Variants in PCDHGB7 observed in about 807,000 individuals in gnomAD.
PCDHGB7 encodes protocadherin gamma subfamily B, 7.
Under a neutral mutation model 61.4 loss-of-function variants are expected in PCDHGB7, and 37 were observed. That is an observed-to-expected ratio of 0.60 (90% CI 0.46 to 0.79). The LOEUF (loss-of-function observed/expected upper bound fraction) is 0.79. Ranked by LOEUF, PCDHGB7 falls within the 30% of genes least tolerant of loss-of-function variation. PCDHGB7 has a pLI of 0.00. For synonymous variants in PCDHGB7, 464 were observed against 503.5 expected, an observed-to-expected ratio of 0.92 and a Z score of 1.05; for missense variants, 1,166 against 1,202.5, an observed-to-expected ratio of 0.97 and a Z score of 0.45.
chr5:141,489,085 G>A lies in PCDHGB7; in HGVS notation c.2416-5722G>A, dbSNP rs1347512723. The A allele has an allele frequency of 2.6e-5, 6 of 230,066 alleles. No homozygotes were observed. The South Asian group carries it at 4.3e-4, about 16-fold the overall frequency. 14.3% of individuals were successfully genotyped at this position (230,066 alleles called of 1,614,324 possible). A position where few individuals can be genotyped will look rare whatever the true frequency, so the allele number is the denominator to read the frequency against. Reference sequence around the variant, plus strand: ...TCCCCCCTGCCCACCCCCGCCACTCGGTGACTAAGAACTGCTGCAAGCAGG... The same window carrying A: ...TCCCCCCTGCCCACCCCCGCCACTCAGTGACTAAGAACTGCTGCAAGCAGG... On this transcript the variant is annotated intron_variant, in intron 1 of 3. Coordinates refer to ENST00000398594, the MANE Select transcript of PCDHGB7 (RefSeq NM_018927.4). The surrounding 1 kb of genome is among the most constrained non-coding windows in gnomAD (Gnocchi z 4.5).
intron 1 of PCDHGB7, chr5:141,422,864 AC>A (rs2096680510): frequency 1.9e-6 from 3 of 1,614,190 alleles, no homozygotes; most frequent in Non-Finnish European, 2.5e-6. Flanking sequence ...CTCAGCAGCA[AC>A]GTGTCGCTGA....
rs750036800 is a variant in PCDHGB7, at chr5:141,419,495, G to A, written c.1636G>A (p.Val546Met). Residue 546 changes from valine to methionine, a missense_variant, in exon 1 of 4, where the codon GTG becomes ATG. Physicochemically the swap from Val to Met is conservative, Grantham distance 21 (BLOSUM62 1). Coordinates refer to ENST00000398594, the MANE Select transcript of PCDHGB7 (RefSeq NM_018927.4). ...GGGCTCGCCCGCGCTCAGCGCCAAT[G>A]TGAGCCTGCGCGTGTTGGTGGGCGA... Reference protein sequence around the residue: ...DQGSPALSANVSLRVLVGDRN... With the variant: ...DQGSPALSANMSLRVLVGDRN... The A allele has an allele frequency of 5.0e-6, 8 of 1,612,432 alleles. No individual in the cohort carries two copies. The Admixed American group carries it at 1.3e-4, about 27-fold the overall frequency.
chr5:141,509,787 TCTC>T (rs2099878266), intron 3 of PCDHGB7, among the ~76,000 whole-genome samples: 1 of 152,132 alleles, frequency 6.6e-6, no homozygotes, highest in Non-Finnish European at 1.5e-5. Context: ...GAGATCATCA[TCTC>T]CTCAGCTTCA....
At position 141,486,182 on chromosome 5, in the gene PCDHGB7, C is replaced by G. The variant is rs1288782056; in HGVS notation, c.2416-8625C>G. On this transcript the variant is annotated intron_variant, in intron 1 of 3. Transcript: ENST00000398594. This position sits in a 1 kb window ranked among gnomAD's most constrained non-coding sequence, Gnocchi z 5.0. ...AGCCATGGAGCAACATTGCAGCCTT[C>G]GAGTGGATCTGCTGGACGTAAATGA... 1 of 1,614,198 alleles carries G rather than the reference C, an allele frequency of 6.2e-7. No individual in the cohort carries two copies. Among genetic ancestry groups the G allele is most frequent in the Non-Finnish European group, 8.5e-7 (1 of 1,180,028 alleles).
At chr5:141,425,021 CT>C (rs1561817318) in intron 1 of PCDHGB7, among the ~76,000 whole-genome samples, 1 of 152,054 alleles carries the variant, frequency 6.6e-6, no homozygotes, top group Non-Finnish European at 1.5e-5. Context: ...AGGAATTTAC[CT>C]TATGTCATTA....
At position 141,418,781 on chromosome 5, in the gene PCDHGB7, G is replaced by C; in HGVS notation, c.922G>C (p.Asp308His). The C allele has an allele frequency of 6.2e-7, 1 of 1,613,716 alleles. No individual in the cohort carries two copies. The highest frequency in any genetic ancestry group is 1.3e-5 in the African/African-American group (1 of 75,034). ...AAACATTCTAACTCAGCAGCCTTTG[G>C]ATTTTGAAGAAGTAGAAAGATATAC... ...TGNILTQQPL[D>H]FEEVERYTIN... Residue 308 changes from aspartate to histidine, a missense_variant, in exon 1 of 4, where the codon GAT (aspartate) becomes CAT (histidine). Coordinates refer to ENST00000398594, the MANE Select transcript of PCDHGB7 (RefSeq NM_018927.4).
chr5:141,510,847 AG>A, intron 3 of PCDHGB7, 99 bp from the exon 4 acceptor site: 3 of 1,595,350 alleles, frequency 1.9e-6, no homozygotes, highest in Non-Finnish European at 2.6e-6. Context: ...GTCAAGGCCC[AG>A]GGTGCTGTAT....
At position 141,432,816 on chromosome 5, in the gene PCDHGB7, C is replaced by A. The variant is rs778545682; in HGVS notation, c.2415+12542C>A. Reference sequence around the variant, plus strand: ...CTCGAGTCTCCAGCTAACTCTGAAACCTCAGACCTCACTCTGTACCTGGTG... The same window carrying A: ...CTCGAGTCTCCAGCTAACTCTGAAAACTCAGACCTCACTCTGTACCTGGTG... On this transcript the variant is annotated intron_variant, in intron 1 of 3. Transcript: ENST00000398594. The surrounding 1 kb of genome is among the most constrained non-coding windows in gnomAD (Gnocchi z 6.0). The A allele has an allele frequency of 7.6e-5, 122 of 1,614,044 alleles. No individual in the cohort carries two copies. The highest frequency in any genetic ancestry group is 3.3e-5 in the Admixed American group (2 of 60,012).
chr5:141,421,640 A>T (rs367946949), intron 1 of PCDHGB7: 1 of 1,613,716 alleles, frequency 6.2e-7, no homozygotes, highest in Non-Finnish European at 8.5e-7. Context: ...CAGGAGGACG[A>T]AGTGGAGATA....
At chr5:141,423,631 T>G (rs1452661307) in intron 1 of PCDHGB7, 2 of 1,603,990 alleles carry the variant, frequency 1.2e-6, no homozygotes, top group African/African-American at 2.7e-5. Flanking sequence ...AGCTATCATT[T>G]TAGGCAAATG....
chr5:141,418,920 A>G lies in PCDHGB7; in HGVS notation c.1061A>G (p.Asp354Gly). The change falls in exon 1 of 4, where the codon GAT becomes GGT. Residue 354 changes from aspartate to glycine, a missense_variant. Asp to Gly is a moderately conservative substitution (Grantham distance 94). Transcript: ENST00000398594. ...SPEIIITSLS[D>G]QIMEDSPPGV... is the part of the protein sequence containing the mutation. ...GAAATAATCATCACGTCACTCTCTG[A>G]TCAGATTATGGAGGATTCCCCTCCA... The G allele has an allele frequency of 6.2e-7, 1 of 1,613,992 alleles. No homozygotes were observed. Among genetic ancestry groups the G allele is most frequent in the Non-Finnish European group, 8.5e-7 (1 of 1,179,858 alleles).
In PCDHGB7 at chr5:141,487,562, G is replaced by A. The variant is rs140619162; in HGVS notation, c.2416-7245G>A. The A allele has an allele frequency of 7.7e-5, 125 of 1,614,060 alleles. 1 individual carries two copies. The highest frequency in any genetic ancestry group is 5.7e-4 in the Admixed American group (34 of 60,006). On this transcript the variant is annotated intron_variant, in intron 1 of 3. Transcript: ENST00000398594. The surrounding 1 kb of genome is among the most constrained non-coding windows in gnomAD (Gnocchi z 5.0). ...GAAGTCACCCAGTGCACCTATGGCA[G>A]GGGAGCCTGTTCGCCCAAGCTGCCC...
In PCDHGB7 at chr5:141,500,954, C is replaced by T. The variant is rs536993707; in HGVS notation, c.2475-4439C>T. On this transcript the variant is annotated intron_variant, in intron 2 of 3. Coordinates refer to ENST00000398594, the MANE Select transcript of PCDHGB7 (RefSeq NM_018927.4). Reference sequence around the variant, plus strand: ...CGCCATCTCGGCTCACTGCAAGCTCCACCTCCTGGGTTCAAGCAATTCTCC... The same window carrying T: ...CGCCATCTCGGCTCACTGCAAGCTCTACCTCCTGGGTTCAAGCAATTCTCC... Among the ~76,000 whole-genome samples the T allele has an allele frequency of 2.4e-3, 358 of 152,060 alleles. 1 individual carries two copies. The highest frequency in any genetic ancestry group is 4.1e-3 in the Admixed American group (63 of 15,282).
chr5:141,501,331 A>ACC (rs906542724), intron 2 of PCDHGB7, among the ~76,000 whole-genome samples: 1 of 138,846 alleles, frequency 7.2e-6, no homozygotes, highest in Non-Finnish European at 1.6e-5. Flanking sequence ...ACACACACAC[A>ACC]CACCCCAAAC....
At chr5:141,439,523 T>A (rs2098118339) in intron 1 of PCDHGB7, among the ~76,000 whole-genome samples, 1 of 152,202 alleles carries the variant, frequency 6.6e-6, no homozygotes, top group African/African-American at 2.4e-5. Context: ...CAACTAACTC[T>A]ACAGAACGCT....
rs758099753 is a variant in PCDHGB7, at chr5:141,432,129, A to G, written c.2415+11855A>G. The G allele has an allele frequency of 5.6e-6, 9 of 1,614,054 alleles. No homozygotes were observed. The highest frequency in any genetic ancestry group is 5.5e-5 in the South Asian group (5 of 91,056). On this transcript the variant is annotated intron_variant, in intron 1 of 3. Transcript: ENST00000398594. The surrounding 1 kb of genome is among the most constrained non-coding windows in gnomAD (Gnocchi z 6.0). Reference sequence around the variant, plus strand: ...CCGCCGGTCTTCCCTCAGGCCTCCTATTCCGCTTATATCCCAGAGAACAAT... The same window carrying G: ...CCGCCGGTCTTCCCTCAGGCCTCCTGTTCCGCTTATATCCCAGAGAACAAT...
At chr5:141,427,550 C>T (rs1310933864) in intron 1 of PCDHGB7, 1 of 643,730 alleles carries the variant, frequency 1.6e-6, no homozygotes, top group East Asian at 3.2e-5. Context: ...CCATCACTGC[C>T]ACTGACAAGG....
At chr5:141,434,193 T>C (rs2097677103) in intron 1 of PCDHGB7, among the ~76,000 whole-genome samples, 1 of 152,246 alleles carries the variant, frequency 6.6e-6, no homozygotes, top group Non-Finnish European at 1.5e-5. Flanking sequence ...GTAATTCCAA[T>C]GTACTTACTT....
Position 141,490,536 on chromosome 5 carries a change from T to C in PCDHGB7, c.2416-4271T>C. ...TGCTGGCCAGCGATGCTGGTTCACCTTCCCTACACAAACATCTCACCATCA... is the reference window on the plus strand; with the variant it reads ...TGCTGGCCAGCGATGCTGGTTCACCCTCCCTACACAAACATCTCACCATCA... On this transcript the variant is annotated intron_variant, in intron 1 of 3. Transcript: ENST00000398594. The surrounding 1 kb of genome is among the most constrained non-coding windows in gnomAD (Gnocchi z 5.4). The C allele has an allele frequency of 1.9e-6, 3 of 1,614,150 alleles. No individual in the cohort carries two copies. The highest frequency in any genetic ancestry group is 2.5e-6 in the Non-Finnish European group (3 of 1,180,010).
Sources: allele counts gnomAD v4.1 joint callset (sites outside exome capture counted in the v4.1 genomes callset), GRCh38; gene constraint gnomAD v4.1.1; non-coding constraint Gnocchi (gnomAD v3.1); transcripts MANE v1.5; gene names NCBI Gene and HGNC (gene_info 2026-07-23, HGNC 2026-07-21).